MYO3B: variants seen among roughly 807,000 people sequenced by gnomAD.
MYO3B encodes myosin IIIB.
In MYO3B, 156 loss-of-function variants were observed where a neutral mutation model predicts 174.6. That is an observed-to-expected ratio of 0.89 (90% CI 0.78 to 1.02). MYO3B has a LOEUF of 1.02. Ranked by LOEUF, MYO3B falls within the 50% of genes least tolerant of loss-of-function variation. The pLI is 0.00. For missense variants in MYO3B, 1,632 were observed against 1,639.4 expected, an observed-to-expected ratio of 1.00 and a Z score of 0.08; for synonymous variants, 563 against 569.1, an observed-to-expected ratio of 0.99 and a Z score of 0.15.
At chr2:170,318,877 G>T (rs1055158562) in intron 7 of MYO3B, among the ~76,000 whole-genome samples, 16 of 152,172 alleles carry the variant, frequency 1.1e-4, no homozygotes, top group African/African-American at 3.6e-4. Context: ...AGCCCTAGTG[G>T]TGTGACCATA....
In MYO3B at chr2:170,214,471, C is replaced by A; in HGVS notation, c.414C>A (p.Tyr138Ter). 4 of 1,613,980 alleles carry A rather than the reference C, an allele frequency of 2.5e-6. No homozygotes were observed. Among genetic ancestry groups the A allele is most frequent in the Non-Finnish European group, 3.4e-6 (4 of 1,179,926 alleles). ...AAGCAATGATCTCATACATCTTGTA[C>A]GGGGCCCTCTTGGTAAGAACATCTA... ...LDEAMISYIL[Y>*]GALLGLQHLH... Residue 138 changes from tyrosine (Y) to a stop codon, truncating the protein, a stop_gained, in exon 4 of 35, where the codon TAC becomes TAA. Coordinates refer to ENST00000408978, the MANE Select transcript of MYO3B (RefSeq NM_138995.5). LOFTEE classifies it high-confidence loss of function.
chr2:170,562,557 G>C (rs1273940542), intron 32 of MYO3B, among the ~76,000 whole-genome samples: 1 of 152,160 alleles, frequency 6.6e-6, no homozygotes, highest in Non-Finnish European at 1.5e-5. Flanking sequence ...GTTCCAGGCA[G>C]TCAATTAGCC....
chr2:170,214,979 C>T, intron 5 of MYO3B, 151 bp downstream of exon 5: 1 of 623,168 alleles, frequency 1.6e-6, no homozygotes, highest in Admixed American at 2.5e-5. Context: ...GTGGGGGCTC[C>T]AGATGGATCA....
chr2:170,348,636 T>G (rs944236888), intron 8 of MYO3B: 1 of 152,166 alleles, frequency 6.6e-6, no homozygotes, highest in Non-Finnish European at 1.5e-5. Context: ...AGACACCTCC[T>G]CCATTTCCCC....
chr2:170,274,326 C>A (rs1029442020), intron 7 of MYO3B, among the ~76,000 whole-genome samples: 2 of 152,104 alleles, frequency 1.3e-5, no homozygotes, highest in African/African-American at 4.8e-5. Context: ...ATTTTGGGTT[C>A]TCAGATTCAT....
intron 29 of MYO3B, 76 bp from the exon 30 acceptor site, chr2:170,519,362 A>G: frequency 1.8e-6 from 2 of 1,108,540 alleles, no homozygotes; most frequent in Non-Finnish European, 2.7e-6. Context: ...AGGGCTGCAG[A>G]GAGTGTAGAT....
intron 7 of MYO3B, among the ~76,000 whole-genome samples, chr2:170,255,325 T>A (rs1200427915): frequency 1.3e-5 from 2 of 151,938 alleles, no homozygotes; most frequent in Admixed American, 6.6e-5. Flanking sequence ...AAGGGAGTCA[T>A]CTCTTGTGCT....
intron 28 of MYO3B, among the ~76,000 whole-genome samples, chr2:170,505,194 G>A (rs1687548129): frequency 6.6e-6 from 1 of 152,010 alleles, no homozygotes; most frequent in African/African-American, 2.4e-5. Flanking sequence ...GGGGGAGAGG[G>A]GAGAGGGGAG....
intron 28 of MYO3B, among the ~76,000 whole-genome samples, chr2:170,509,020 GAA>G (rs35070668): frequency 8.6e-5 from 13 of 151,910 alleles, no homozygotes; most frequent in African/African-American, 3.1e-4. Context: ...CACTGGGGGG[GAA>G]AAAAGTCTGT....
At chr2:170,465,092 C>T (rs550352010) in intron 24 of MYO3B, among the ~76,000 whole-genome samples, 18 of 151,742 alleles carry the variant, frequency 1.2e-4, no homozygotes, top group Admixed American at 4.6e-4. Flanking sequence ...AGTCCGGTCT[C>T]GAACTCCTGA....
At chr2:170,212,462 G>T (rs1004070260) in intron 3 of MYO3B, among the ~76,000 whole-genome samples, 2 of 152,096 alleles carry the variant, frequency 1.3e-5, no homozygotes, top group Non-Finnish European at 2.9e-5. Flanking sequence ...AAAGGAAAAA[G>T]ACTTTTTGGT....
chr2:170,184,503 T>C (rs2092439624), intron 1 of MYO3B, among the ~76,000 whole-genome samples: 1 of 152,192 alleles, frequency 6.6e-6, no homozygotes, highest in Non-Finnish European at 1.5e-5. Context: ...TCCATGTTGT[T>C]GCAAATGACA....
chr2:170,368,450 T>G (rs1388996989), intron 8 of MYO3B, among the ~76,000 whole-genome samples: 1 of 152,238 alleles, frequency 6.6e-6, no homozygotes, highest in Admixed American at 6.5e-5. Context: ...CCAAATCATC[T>G]TGAATAACAC....
chr2:170,583,214 A>G (rs1422009133), intron 32 of MYO3B, among the ~76,000 whole-genome samples: 1 of 152,096 alleles, frequency 6.6e-6, no homozygotes, highest in East Asian at 1.9e-4. Context: ...GTCTAGCTCA[A>G]TATAATCCAC....
intron 32 of MYO3B, chr2:170,644,478 G>C (rs1250679511): frequency 6.6e-6 from 1 of 152,084 alleles, no homozygotes; most frequent in Non-Finnish European, 1.5e-5. Flanking sequence ...GTCAAGACAG[G>C]GTTTCACCTT....
chr2:170,286,065 C>G (rs1166689788), intron 7 of MYO3B, among the ~76,000 whole-genome samples: 1 of 152,118 alleles, frequency 6.6e-6, no homozygotes, highest in Non-Finnish European at 1.5e-5. Flanking sequence ...GTTTGACAAT[C>G]CTTGTGTGAA....
chr2:170,602,990 C>T (rs1480132811), intron 32 of MYO3B, among the ~76,000 whole-genome samples: 1 of 152,158 alleles, frequency 6.6e-6, no homozygotes, highest in East Asian at 1.9e-4. Context: ...ATCACTTGAA[C>T]CTGGGAGGCA....
chr2:170,628,196 C>G (rs1696628596), intron 32 of MYO3B, among the ~76,000 whole-genome samples: 1 of 152,234 alleles, frequency 6.6e-6, no homozygotes. Context: ...GGGCTCCACC[C>G]AGTTCGAGCT....
chr2:170,650,414 T>C (rs1171120071), intron 32 of MYO3B, among the ~76,000 whole-genome samples: 1 of 152,102 alleles, frequency 6.6e-6, no homozygotes, highest in African/African-American at 2.4e-5. Context: ...TGGAAATCTC[T>C]GGTGAAGTTA....
Sources: allele counts gnomAD v4.1 joint callset (sites outside exome capture counted in the v4.1 genomes callset), GRCh38; gene constraint gnomAD v4.1.1; transcripts MANE v1.5; gene names NCBI Gene and HGNC (gene_info 2026-07-23, HGNC 2026-07-21).